MYO5B: variants seen among roughly 807,000 people sequenced by gnomAD.
MYO5B encodes the protein myosin VB.
In MYO5B, 143 loss-of-function variants were observed where a neutral mutation model predicts 229.3. The ratio of observed to expected loss-of-function variants is 0.62; its 90% CI spans 0.54 to 0.72. MYO5B has a LOEUF of 0.72. MYO5B is among the 30% of genes least tolerant of loss of function. The probability of loss-of-function intolerance (pLI) is 0.00; values close to 1 mark genes in which losing one functional copy is unlikely to be tolerated. For missense variants in MYO5B, 2,321 were observed against 2,331.0 expected (o/e 1.00, Z 0.09); for synonymous variants, 918 against 885.2 (o/e 1.04, Z -0.66).
intron 10 of MYO5B, among the ~76,000 whole-genome samples, chr18:49,967,760 C>T (rs1295764974): frequency 2.0e-5 from 3 of 152,142 alleles, no homozygotes; most frequent in South Asian, 2.1e-4. Flanking sequence ...CCCTTCTGAT[C>T]TCTTTACTGA....
intron 35 of MYO5B, 63 bp downstream of exon 35, chr18:49,841,302 G>A: frequency 1.3e-6 from 2 of 1,495,896 alleles, no homozygotes; most frequent in Non-Finnish European, 1.9e-6. Context: ...GGTATACAAA[G>A]CACTTCTCAA....
intron 16 of MYO5B, among the ~76,000 whole-genome samples, chr18:49,930,489 C>T (rs147634719): frequency 3.3e-5 from 5 of 152,258 alleles, no homozygotes; most frequent in African/African-American, 9.6e-5. Context: ...TTCTGAGTAT[C>T]CCCGCTTGAA....
intron 17 of MYO5B, among the ~76,000 whole-genome samples, chr18:49,924,516 C>A (rs972465036): frequency 3.3e-5 from 5 of 152,236 alleles, no homozygotes. Context: ...AGCTTTCTGG[C>A]AGGCCACAGC....
At chr18:50,048,838 T>A (rs2941747) in intron 2 of MYO5B, among the ~76,000 whole-genome samples, 2 of 152,082 alleles carry the variant, frequency 1.3e-5, no homozygotes, top group Admixed American at 1.3e-4. Context: ...GCCTGGCCAA[T>A]ATGGTGAAAC....
chr18:50,084,499 T>C (rs2031287398), intron 1 of MYO5B, among the ~76,000 whole-genome samples: 1 of 152,244 alleles, frequency 6.6e-6, no homozygotes, highest in African/African-American at 2.4e-5. Flanking sequence ...ATGTTTCTCC[T>C]GCCTTCTGGG....
At chr18:50,101,181 C>T (rs1229185769) in intron 1 of MYO5B, among the ~76,000 whole-genome samples, 3 of 152,116 alleles carry the variant, frequency 2.0e-5, no homozygotes, top group African/African-American at 7.2e-5. Flanking sequence ...TGATAGATGA[C>T]GAGTATGTGA....
At chr18:49,951,204 C>T (rs2025427650) in intron 14 of MYO5B, among the ~76,000 whole-genome samples, 1 of 152,162 alleles carries the variant, frequency 6.6e-6, no homozygotes, top group African/African-American at 2.4e-5. Context: ...GGAGACGTCA[C>T]CCCATCCACC....
intron 7 of MYO5B, among the ~76,000 whole-genome samples, chr18:49,988,445 T>C (rs2025895050): frequency 6.6e-6 from 1 of 152,160 alleles, no homozygotes; most frequent in Non-Finnish European, 1.5e-5. Flanking sequence ...AGTTTTCAAG[T>C]GCTGCAGCCT....
chr18:49,858,638 C>A (rs1270310499), intron 29 of MYO5B, among the ~76,000 whole-genome samples: 1 of 152,242 alleles, frequency 6.6e-6, no homozygotes, highest in East Asian at 1.9e-4. Context: ...AGCTGACTCA[C>A]ACAAGGAAGT....
At chr18:50,043,283 T>A (rs1352915199) in intron 2 of MYO5B, among the ~76,000 whole-genome samples, 1 of 80,494 alleles carries the variant, frequency 1.2e-5, no homozygotes, top group Non-Finnish European at 2.7e-5. Context: ...TATATTTATA[T>A]TTATATATTA....
intron 2 of MYO5B, among the ~76,000 whole-genome samples, chr18:50,048,040 T>C (rs1261944883): frequency 1.3e-5 from 2 of 151,404 alleles, no homozygotes; most frequent in African/African-American, 4.9e-5. Context: ...TATACATATG[T>C]AACAAACCTG....
At chr18:50,037,251 T>TA (rs11289681) in intron 3 of MYO5B, among the ~76,000 whole-genome samples, 313 of 148,764 alleles carry the variant, frequency 2.1e-3, no homozygotes, top group African/African-American at 7.5e-3. Context: ...TCACAAATGC[T>TA]AAAAAAAAAA....
chr18:49,927,040 C>T (rs947699983), intron 17 of MYO5B, among the ~76,000 whole-genome samples: 11 of 152,088 alleles, frequency 7.2e-5, no homozygotes, highest in South Asian at 2.1e-4. Context: ...TTGTTAATGC[C>T]GCAGTTTCAG....
intron 1 of MYO5B, among the ~76,000 whole-genome samples, chr18:50,081,354 A>G (rs2031215979): frequency 6.6e-6 from 1 of 152,192 alleles, no homozygotes; most frequent in Admixed American, 6.5e-5. Flanking sequence ...ACAAAGACCT[A>G]CTATTTTTAA....
intron 17 of MYO5B, among the ~76,000 whole-genome samples, chr18:49,921,019 G>C (rs2144179233): frequency 6.6e-6 from 1 of 152,226 alleles, no homozygotes; most frequent in Non-Finnish European, 1.5e-5. Flanking sequence ...TTCCTCTGTG[G>C]GATGTTTAAT....
At chr18:49,929,364 C>G (rs951525851) in intron 17 of MYO5B, 148 bp downstream of exon 17, 1 of 653,944 alleles carries the variant, frequency 1.5e-6, no homozygotes, top group African/African-American at 1.8e-5. Flanking sequence ...AGTCTCATTT[C>G]CATCAGCATC....
chr18:50,156,190 C>T (rs2032675487), intron 1 of MYO5B, among the ~76,000 whole-genome samples: 1 of 152,232 alleles, frequency 6.6e-6, no homozygotes, highest in South Asian at 2.1e-4. Context: ...TTCTAGGGAA[C>T]ATCCAGTATT....
At chr18:50,029,494 G>C (rs1399514993) in intron 4 of MYO5B, among the ~76,000 whole-genome samples, 1 of 152,136 alleles carries the variant, frequency 6.6e-6, no homozygotes, top group Non-Finnish European at 1.5e-5. Flanking sequence ...GGAAAGAAAA[G>C]TTCACCCAAA....
chr18:49,952,322 C>A (rs1038628843), intron 14 of MYO5B, among the ~76,000 whole-genome samples: 2 of 152,190 alleles, frequency 1.3e-5, no homozygotes, highest in African/African-American at 2.4e-5. Context: ...GAGAAAGCCT[C>A]CTAAATCCTG....
Sources: allele counts gnomAD v4.1 joint callset (sites outside exome capture counted in the v4.1 genomes callset), GRCh38; gene constraint gnomAD v4.1.1; transcripts MANE v1.5; gene names NCBI Gene and HGNC (gene_info 2026-07-23, HGNC 2026-07-21).